Variants in FLT1 observed in about 807,000 individuals in gnomAD.
FLT1 encodes fms related receptor tyrosine kinase 1, also known as vascular endothelial growth factor receptor 1.
A neutral mutation model predicts 156.3 loss-of-function variants in FLT1; 49 were observed. That is an observed-to-expected ratio of 0.31 (90% CI 0.25 to 0.40). The LOEUF (loss-of-function observed/expected upper bound fraction) is 0.40. FLT1 is among the 10% of genes least tolerant of loss of function. FLT1 has a pLI of 1.00. For synonymous variants in FLT1, 594 were observed against 583.8 expected, an observed-to-expected ratio of 1.02 and a Z score of -0.25; for missense variants, 1,322 against 1,637.2, an observed-to-expected ratio of 0.81 and a Z score of 3.32.
chr13:28,322,502 A>G lies in FLT1; in HGVS notation c.2954-143T>C, dbSNP rs774688216. 7 of 738,736 alleles carry G rather than the reference A, an allele frequency of 9.5e-6. No homozygotes were observed. The highest frequency in any genetic ancestry group is 1.7e-5 in the Non-Finnish European group (7 of 417,134). 45.8% of individuals were successfully genotyped at this position (738,736 alleles called of 1,614,324 possible). On this transcript the variant is annotated intron_variant, in intron 21 of 29. Coordinates refer to ENST00000282397, the MANE Select transcript of FLT1 (RefSeq NM_002019.4). The surrounding 1 kb of genome is among the most constrained non-coding windows in gnomAD (Gnocchi z 4.3). Reference sequence around the variant, plus strand: ...TTTTTAAGAGTATTTGAGTTTCAACATGAACACCAGAGATTTTTCCAGGCC... The same window carrying G: ...TTTTTAAGAGTATTTGAGTTTCAACGTGAACACCAGAGATTTTTCCAGGCC...
In FLT1 at chr13:28,333,537, A is replaced by G. The variant is rs57830214; in HGVS notation, c.2593+488T>C. 6.8e-3 allele frequency among the ~76,000 whole-genome samples: 1,042 copies of G among 152,332 alleles called. 18 individuals are homozygous for G. The highest frequency in any genetic ancestry group is 0.024 in the African/African-American group (991 of 41,582). ...CAGGTTTTTAAACTGCTAAAGAGGA[A>G]ATGTTTTATGGCTGAGGTAGTTAGT... On this transcript the variant is annotated intron_variant, in intron 18 of 29. Coordinates refer to ENST00000282397, the MANE Select transcript of FLT1 (RefSeq NM_002019.4).
At chr13:28,413,012 T>C (rs1354108153) in intron 10 of FLT1, among the ~76,000 whole-genome samples, 2 of 152,124 alleles carry the variant, frequency 1.3e-5, no homozygotes, top group African/African-American at 4.8e-5. Context: ...AGGGTCAGGC[T>C]GAGGAGATCC....
intron 14 of FLT1, among the ~76,000 whole-genome samples, chr13:28,382,203 G>A (rs1417021664): frequency 6.6e-6 from 1 of 152,208 alleles, no homozygotes; most frequent in Non-Finnish European, 1.5e-5. Context: ...TGTGGGAGTT[G>A]TGTAAGGCCT....
At chr13:28,420,744 T>TTCTA (rs1876954153) in intron 10 of FLT1, among the ~76,000 whole-genome samples, 1 of 152,216 alleles carries the variant, frequency 6.6e-6, no homozygotes, top group African/African-American at 2.4e-5. Flanking sequence ...TTGAGTACAT[T>TTCTA]TCTAATTAAC....
At chr13:28,421,613 T>G (rs369318383) in intron 10 of FLT1, among the ~76,000 whole-genome samples, 1 of 151,366 alleles carries the variant, frequency 6.6e-6, no homozygotes, top group Non-Finnish European at 1.5e-5. Flanking sequence ...GTACCTCCAT[T>G]TAAGACTTTT....
rs369313061 is a variant in FLT1 at position 28,415,146 on chromosome 13, C to T, written c.1437-9252G>A. Among the ~76,000 whole-genome samples, 6 of 152,316 alleles carry T rather than the reference C, an allele frequency of 3.9e-5. No individual in the cohort carries two copies. The East Asian group carries it at 1.2e-3, about 29-fold the overall frequency. The stretch of plus-strand genomic sequence containing the variant: ...ACTGGCAATGGCCTCCTCTTCTTGC[C>T]TATCTTCAAAGATAGGCACAAATAT... On this transcript the variant is annotated intron_variant, in intron 10 of 29. Transcript: ENST00000282397.
chr13:28,311,556 T>G, intron 27 of FLT1, 34 bp downstream of exon 27: 1 of 1,577,472 alleles, frequency 6.3e-7, no homozygotes. Flanking sequence ...TGTTGGAAAA[T>G]TCTGTGATAT....
At chr13:28,369,439 TG>T (rs139937127) in intron 14 of FLT1, among the ~76,000 whole-genome samples, 2,892 of 152,200 alleles carry the variant, frequency 0.019, 100 homozygotes, top group African/African-American at 0.067. Context: ...GCAGGAGAAT[TG>T]CTTGAACCCA....
chr13:28,485,827 G>A (rs546703642), intron 1 of FLT1, among the ~76,000 whole-genome samples: 1 of 152,282 alleles, frequency 6.6e-6, no homozygotes. Context: ...CCCCGGCCAG[G>A]CTACTGAATG....
At chr13:28,378,837 C>G (rs1268651316) in intron 14 of FLT1, among the ~76,000 whole-genome samples, 1 of 152,204 alleles carries the variant, frequency 6.6e-6, no homozygotes, top group African/African-American at 2.4e-5. Flanking sequence ...AAACACTTAA[C>G]ACGGTGCCTT....
At chr13:28,366,330 A>G (rs1273391467) in intron 14 of FLT1, among the ~76,000 whole-genome samples, 2 of 152,050 alleles carry the variant, frequency 1.3e-5, no homozygotes, top group African/African-American at 4.8e-5. Context: ...GCATCCCTAC[A>G]TGTGTCTTTG....
intron 12 of FLT1, among the ~76,000 whole-genome samples, chr13:28,393,956 T>A (rs1157181816): frequency 6.6e-6 from 1 of 152,180 alleles, no homozygotes; most frequent in Admixed American, 6.5e-5. Context: ...CAAATCTAGA[T>A]AAGAAGAGCG....
intron 12 of FLT1, among the ~76,000 whole-genome samples, chr13:28,396,649 C>T (rs1875063408): frequency 6.6e-6 from 1 of 152,020 alleles, no homozygotes; most frequent in South Asian, 2.1e-4. Context: ...TATTGAACTG[C>T]TATGTACCAG....
chr13:28,331,169 G>C (rs1871915766), intron 18 of FLT1, among the ~76,000 whole-genome samples: 1 of 152,178 alleles, frequency 6.6e-6, no homozygotes, highest in Admixed American at 6.5e-5. Context: ...CCTGGAAGTG[G>C]GTTAGAGGTA....
chr13:28,347,908 T>G (rs1190327401), intron 15 of FLT1, among the ~76,000 whole-genome samples: 2 of 152,194 alleles, frequency 1.3e-5, no homozygotes, highest in East Asian at 3.8e-4. Flanking sequence ...GGAGCTGTGA[T>G]TTTAACCCAG....
At chr13:28,365,396 A>C (rs555923116) in intron 14 of FLT1, among the ~76,000 whole-genome samples, 2 of 151,644 alleles carry the variant, frequency 1.3e-5, no homozygotes, top group African/African-American at 2.4e-5. Flanking sequence ...TCTGTCGCCC[A>C]GGCTAGAGTG....
At chr13:28,425,163 C>T (rs753841797) in intron 10 of FLT1, among the ~76,000 whole-genome samples, 4 of 152,136 alleles carry the variant, frequency 2.6e-5, no homozygotes, top group Admixed American at 6.5e-5. Flanking sequence ...TAATGTACAT[C>T]GAGCTGTCAT....
At chr13:28,416,018 G>A (rs1876625264) in intron 10 of FLT1, among the ~76,000 whole-genome samples, 1 of 152,240 alleles carries the variant, frequency 6.6e-6, no homozygotes, top group South Asian at 2.1e-4. Flanking sequence ...CTGCCTAAAA[G>A]TACTAGAAGT....
intron 11 of FLT1, among the ~76,000 whole-genome samples, chr13:28,397,629 T>G (rs902057217): frequency 4.6e-5 from 7 of 152,144 alleles, no homozygotes; most frequent in African/African-American, 1.7e-4. Context: ...TCAAGCAGTT[T>G]TCCCGCTTTT....
Sources: gnomAD v4.1 joint callset for allele counts (sites outside exome capture counted in the v4.1 genomes callset) on GRCh38, gnomAD v4.1.1 for gene constraint, Gnocchi (gnomAD v3.1) non-coding constraint, MANE v1.5 for transcripts, NCBI Gene and HGNC (gene_info 2026-07-23, HGNC 2026-07-21) for gene names.